The following WDR27 variants were observed in gnomAD, a reference collection of about 807,000 sequenced individuals.
WDR27 encodes the protein WD repeat domain 27.
A neutral mutation model predicts 114.4 loss-of-function variants in WDR27; 100 were observed. The ratio of observed to expected loss-of-function variants is 0.87; its 90% CI spans 0.74 to 1.03. The LOEUF (loss-of-function observed/expected upper bound fraction) is 1.03. WDR27 is among the 50% of genes least tolerant of loss of function. The pLI, the probability that WDR27 is intolerant of heterozygous loss-of-function variation, is 0.00. For synonymous variants in WDR27, 449 were observed against 423.1 expected, an observed-to-expected ratio of 1.06 and a Z score of -0.75; for missense variants, 1,129 against 1,092.9, an observed-to-expected ratio of 1.03 and a Z score of -0.47.
chr6:169,642,717 A>C (rs1819543990), intron 17 of WDR27, among the ~76,000 whole-genome samples: 1 of 151,918 alleles, frequency 6.6e-6, no homozygotes, highest in Non-Finnish European at 1.5e-5. Flanking sequence ...GTGAGGCGGG[A>C]GTCACTGGGG....
At chr6:169,666,672 C>T in intron 6 of WDR27, 4 of 986,258 alleles carry the variant, frequency 4.1e-6, no homozygotes, top group Non-Finnish European at 4.8e-6. Context: ...AGAAAGCCAT[C>T]TGAGGGAAGA....
chr6:169,440,740 G>GT, the WDR27 span, among the ~76,000 whole-genome samples: 4 of 152,124 alleles, frequency 2.6e-5, no homozygotes, highest in Non-Finnish European at 5.9e-5. Flanking sequence ...AAGTCCACCT[G>GT]TTGGGTAATT....
intron 21 of WDR27, among the ~76,000 whole-genome samples, chr6:169,616,448 A>T (rs758580228): frequency 1.1e-4 from 17 of 152,162 alleles, no homozygotes; most frequent in Admixed American, 9.8e-4. Flanking sequence ...AGACTGCGCC[A>T]CTGCCCTCCA....
chr6:169,442,259 C>G, the WDR27 span, among the ~76,000 whole-genome samples: 2 of 152,288 alleles, frequency 1.3e-5, no homozygotes, highest in East Asian at 3.9e-4. Context: ...TCAAAAGGCT[C>G]CCTTTATTGC....
At chr6:169,547,357 G>A (rs1797582781) in intron 25 of WDR27, among the ~76,000 whole-genome samples, 1 of 151,776 alleles carries the variant, frequency 6.6e-6, no homozygotes, top group East Asian at 1.9e-4. Context: ...ACCAAGGACA[G>A]TAAAAAACAA....
intron 25 of WDR27, among the ~76,000 whole-genome samples, chr6:169,463,705 G>A (rs979409996): frequency 1.3e-5 from 2 of 152,156 alleles, no homozygotes; most frequent in African/African-American, 4.8e-5. Context: ...ATGATATAAA[G>A]TCAACATGCA....
chr6:169,578,778 G>T (rs956691636), intron 24 of WDR27, among the ~76,000 whole-genome samples: 1 of 152,140 alleles, frequency 6.6e-6, no homozygotes, highest in Non-Finnish European at 1.5e-5. Context: ...ATTTTATACG[G>T]CATCATTTGT....
chr6:169,458,987 G>T (rs1442520117), intron 25 of WDR27, among the ~76,000 whole-genome samples: 2 of 152,000 alleles, frequency 1.3e-5, no homozygotes, highest in Non-Finnish European at 2.9e-5. Flanking sequence ...GGAGAAGGGG[G>T]AGAACTTTAC....
At chr6:169,526,395 T>A (rs1794975565) in intron 25 of WDR27, among the ~76,000 whole-genome samples, 1 of 151,980 alleles carries the variant, frequency 6.6e-6, no homozygotes, top group African/African-American at 2.4e-5. Flanking sequence ...GGTGGATCAT[T>A]TGAGGTCAGG....
At chr6:169,494,246 C>T (rs1183616300) in intron 25 of WDR27, among the ~76,000 whole-genome samples, 2 of 152,044 alleles carry the variant, frequency 1.3e-5, no homozygotes, top group African/African-American at 4.8e-5. Context: ...TGGGCCTCAT[C>T]CAATCAGCTG....
At chr6:169,680,941 C>A (rs1018600522) in intron 2 of WDR27, among the ~76,000 whole-genome samples, 1 of 152,174 alleles carries the variant, frequency 6.6e-6, no homozygotes, top group Non-Finnish European at 1.5e-5. Flanking sequence ...CAGATAAGTT[C>A]ACAGAGTCAC....
intron 24 of WDR27, among the ~76,000 whole-genome samples, 164 bp downstream of exon 24, chr6:169,582,672 C>T (rs1200918261): frequency 4.6e-5 from 7 of 152,128 alleles, no homozygotes; most frequent in East Asian, 1.9e-4. Flanking sequence ...CTCTCTCTCT[C>T]GCCAATAAAA....
intron 13 of WDR27, among the ~76,000 whole-genome samples, chr6:169,654,705 G>C (rs1302403590): frequency 6.7e-6 from 1 of 150,272 alleles, no homozygotes; most frequent in Non-Finnish European, 1.5e-5. Context: ...CTGAGGAGGA[G>C]GCGCGCACAG....
At chr6:169,444,605 T>G in the WDR27 span, among the ~76,000 whole-genome samples, 2 of 152,000 alleles carry the variant, frequency 1.3e-5, no homozygotes, top group African/African-American at 4.8e-5. Context: ...AGCCAGTGAT[T>G]GGTGCCTTCA....
intron 24 of WDR27, among the ~76,000 whole-genome samples, chr6:169,573,912 G>T (rs1189678469): frequency 6.6e-6 from 1 of 152,172 alleles, no homozygotes; most frequent in Non-Finnish European, 1.5e-5. Flanking sequence ...CTAGTTTTTT[G>T]CTGGAAATAA....
intron 23 of WDR27, among the ~76,000 whole-genome samples, chr6:169,585,397 C>G (rs1804342521): frequency 6.6e-6 from 1 of 152,194 alleles, no homozygotes; most frequent in South Asian, 2.1e-4. Flanking sequence ...CCCAATGATT[C>G]TGTCAATGAC....
At chr6:169,699,788 C>T (rs1787363875) in intron 1 of WDR27, among the ~76,000 whole-genome samples, 1 of 152,038 alleles carries the variant, frequency 6.6e-6, no homozygotes, top group South Asian at 2.1e-4. Flanking sequence ...TCAAGACCAG[C>T]CTGGGCAACA....
intron 1 of WDR27, among the ~76,000 whole-genome samples, chr6:169,700,362 G>C (rs1329048678): frequency 1.3e-5 from 2 of 152,216 alleles, no homozygotes; most frequent in Non-Finnish European, 2.9e-5. Flanking sequence ...GTGGAGCAGA[G>C]ATCTGGTCAC....
At position 169,638,627 on chromosome 6, in the gene WDR27, C is replaced by T. The variant is rs779153451; in HGVS notation, c.1781G>A (p.Ser594Asn). The change falls in exon 18 of 26, where the codon AGC becomes AAC. Residue 594 changes from serine to asparagine, a missense_variant. By Grantham distance (46) the Ser-to-Asn change is conservative. Transcript: ENST00000448612. ...HDGAVNAVCW[S>N]QDRRWLLSAA... ...AGAGAGCAGCCACCTCCGGTCCTGGCTCCAGCACACGGCATTCACTGCCCC... is the reference window on the plus strand; with the variant it reads ...AGAGAGCAGCCACCTCCGGTCCTGGTTCCAGCACACGGCATTCACTGCCCC... The T allele has an allele frequency of 1.2e-6, 2 of 1,606,664 alleles. No individual in the cohort carries two copies. Among genetic ancestry groups the T allele is most frequent in the Non-Finnish European group, 1.7e-6 (2 of 1,176,736 alleles).
Sources: allele counts gnomAD v4.1 joint callset (sites outside exome capture counted in the v4.1 genomes callset), GRCh38; gene constraint gnomAD v4.1.1; transcripts MANE v1.5; gene names NCBI Gene and HGNC (gene_info 2026-07-23, HGNC 2026-07-21).